Variants in INPP4B observed in about 807,000 individuals in gnomAD.
INPP4B encodes inositol polyphosphate-4-phosphatase type II B, also known as inositol polyphosphate 4-phosphatase type II.
Under a neutral mutation model 122.5 loss-of-function variants are expected in INPP4B, and 55 were observed. The ratio of observed to expected loss-of-function variants is 0.45; its 90% CI spans 0.36 to 0.56. INPP4B has a LOEUF of 0.56. INPP4B is among the 20% of genes least tolerant of loss of function. The probability of loss-of-function intolerance (pLI) is 0.00; values close to 1 mark genes in which losing one functional copy is unlikely to be tolerated. For missense variants in INPP4B, 1,000 were observed against 1,097.7 expected (o/e 0.91, Z 1.26); for synonymous variants, 403 against 388.7 (o/e 1.04, Z -0.43).
At chr4:142,460,061 C>T (rs62328326) in intron 3 of INPP4B, among the ~76,000 whole-genome samples, 1,949 of 152,224 alleles carry the variant, frequency 0.013, 24 homozygotes, top group Middle Eastern at 0.024. Context: ...TTCTAACTTC[C>T]TTCCCTTCCT....
chr4:142,747,165 C>G (rs1282992859), intron 1 of INPP4B, among the ~76,000 whole-genome samples: 1 of 136,824 alleles, frequency 7.3e-6, no homozygotes, highest in African/African-American at 2.8e-5. Flanking sequence ...GGAATTTAAA[C>G]AAATTTACAA....
At chr4:142,344,373 A>G (rs1779647805) in intron 7 of INPP4B, among the ~76,000 whole-genome samples, 1 of 152,078 alleles carries the variant, frequency 6.6e-6, no homozygotes. Context: ...TAGCCAAACT[A>G]CAAGGGTTAG....
chr4:142,221,034 C>A (rs1402766008), intron 12 of INPP4B, among the ~76,000 whole-genome samples: 2 of 152,184 alleles, frequency 1.3e-5, no homozygotes, highest in Non-Finnish European at 1.5e-5. Context: ...TTGGCAGGGG[C>A]AAGGCACGAT....
At chr4:142,384,446 C>A (rs1323400487) in intron 7 of INPP4B, among the ~76,000 whole-genome samples, 9 of 152,144 alleles carry the variant, frequency 5.9e-5, no homozygotes, top group Non-Finnish European at 1.2e-4. Flanking sequence ...TGGCTGCAAA[C>A]CTGTACAGCA....
chr4:142,370,155 A>C (rs1579871161), intron 7 of INPP4B, among the ~76,000 whole-genome samples: 1 of 152,148 alleles, frequency 6.6e-6, no homozygotes, highest in South Asian at 2.1e-4. Flanking sequence ...AAGGTCACAG[A>C]CAGCCAATAA....
At position 142,783,463 on chromosome 4, in the gene INPP4B, G is replaced by T. The variant is rs117164896; in HGVS notation, c.-253-57562C>A. Among the ~76,000 whole-genome samples, 931 of 152,156 alleles carry T rather than the reference G, an allele frequency of 6.1e-3. 10 individuals are homozygous for T. The highest frequency in any genetic ancestry group is 0.041 in the East Asian group (211 of 5,174). ...TTATGTTAAATTAAATTGGAATTGG[G>T]TATCTTCCATATTGGCAATATTTAT... On this transcript the variant is annotated intron_variant, in intron 1 of 25. Transcript: ENST00000262992.
At chr4:142,550,213 C>G (rs1727636695) in intron 2 of INPP4B, among the ~76,000 whole-genome samples, 1 of 152,134 alleles carries the variant, frequency 6.6e-6, no homozygotes, top group South Asian at 2.1e-4. Context: ...GGAAAATGCT[C>G]ACTATGTGGT....
chr4:142,143,995 T>C (rs1055960446), intron 18 of INPP4B, among the ~76,000 whole-genome samples: 1 of 151,824 alleles, frequency 6.6e-6, no homozygotes, highest in Non-Finnish European at 1.5e-5. Context: ...GAAAATAAAT[T>C]AGAGGGCAAT....
chr4:142,552,203 C>G (rs2150081002), intron 2 of INPP4B, among the ~76,000 whole-genome samples: 1 of 152,240 alleles, frequency 6.6e-6, no homozygotes, highest in Admixed American at 6.5e-5. Context: ...AATGAGCTCT[C>G]AAAAGCAATG....
Position 142,300,718 on chromosome 4 carries a change from T to C in INPP4B, c.503+4740A>G, listed in dbSNP as rs557021811. On this transcript the variant is annotated intron_variant, in intron 9 of 25. Coordinates refer to ENST00000262992, the MANE Select transcript of INPP4B (RefSeq NM_001101669.3). ...TAAAAAACAGTATAAGTTAAATGTT[T>C]TTCTTTCATAGCATCTTGCATACAT... is the stretch of plus-strand genomic sequence containing the variant. 2.4e-4 allele frequency among the ~76,000 whole-genome samples: 36 copies of C among 152,274 alleles called. 3 individuals are homozygous for C. Among genetic ancestry groups the C allele is most frequent in the Admixed American group, 2.3e-3 (35 of 15,274 alleles).
chr4:142,512,855 T>A (rs1824919368), intron 2 of INPP4B, among the ~76,000 whole-genome samples: 1 of 152,222 alleles, frequency 6.6e-6, no homozygotes, highest in South Asian at 2.1e-4. Flanking sequence ...GTGCTCATTA[T>A]ACTGTAGTAA....
intron 1 of INPP4B, among the ~76,000 whole-genome samples, chr4:142,806,496 C>G (rs1427138494): frequency 2.0e-5 from 3 of 151,890 alleles, no homozygotes; most frequent in Non-Finnish European, 2.9e-5. Context: ...AATCCCAGCA[C>G]TTTGGGAGGC....
intron 8 of INPP4B, among the ~76,000 whole-genome samples, chr4:142,308,939 A>G (rs1299168306): frequency 1.3e-5 from 2 of 152,252 alleles, no homozygotes; most frequent in East Asian, 1.9e-4. Context: ...CAGGCTCACC[A>G]TCTACTGCTA....
intron 11 of INPP4B, among the ~76,000 whole-genome samples, chr4:142,256,013 C>T (rs1388621121): frequency 2.0e-5 from 3 of 150,286 alleles, no homozygotes; most frequent in African/African-American, 7.3e-5. Context: ...TCTCTAAGAC[C>T]ACAGTGCAAT....
intron 1 of INPP4B, among the ~76,000 whole-genome samples, chr4:142,747,948 C>A (rs907693902): frequency 5.3e-5 from 8 of 152,032 alleles, no homozygotes; most frequent in Non-Finnish European, 8.8e-5. Context: ...GTGTAGCAAA[C>A]CACCATGGCA....
At chr4:142,487,967 C>A (rs1328828575) in intron 2 of INPP4B, among the ~76,000 whole-genome samples, 1 of 152,044 alleles carries the variant, frequency 6.6e-6, no homozygotes, top group Non-Finnish European at 1.5e-5. Context: ...GAATAGAAAG[C>A]AGACACAACC....
chr4:142,769,181 A>G (rs1772625932), intron 1 of INPP4B, among the ~76,000 whole-genome samples: 1 of 152,208 alleles, frequency 6.6e-6, no homozygotes. Context: ...CAGGAAATAA[A>G]TAAGGGACAT....
chr4:142,822,061 C>T (rs1780856967), intron 1 of INPP4B, among the ~76,000 whole-genome samples: 1 of 152,084 alleles, frequency 6.6e-6, no homozygotes, highest in African/African-American at 2.4e-5. Context: ...GAAGTGAGTT[C>T]CCTGTCACTG....
intron 2 of INPP4B, among the ~76,000 whole-genome samples, chr4:142,564,450 AAAAAGAAAGAAAG>A (rs760136529): frequency 0.016 from 1,354 of 85,556 alleles, 16 homozygotes; most frequent in Middle Eastern, 0.026. Flanking sequence ...AAAAAAAAAA[AAAAAGAAAGAAAG>A]AAAGAAAGAA....
Sources: allele counts gnomAD v4.1 joint callset (sites outside exome capture counted in the v4.1 genomes callset), GRCh38; gene constraint gnomAD v4.1.1; transcripts MANE v1.5; gene names NCBI Gene and HGNC (gene_info 2026-07-23, HGNC 2026-07-21).